The following NEGR1 variants were observed in gnomAD, a reference collection of about 807,000 sequenced individuals.
The protein encoded by NEGR1 is IgLON family member 4.
A neutral mutation model predicts 40.9 loss-of-function variants in NEGR1; 10 were observed. The ratio of observed to expected loss-of-function variants is 0.24; its 90% CI spans 0.15 to 0.42. The LOEUF (loss-of-function observed/expected upper bound fraction) is 0.42, where lower values mean the gene tolerates loss of function less well. Among genes scored for constraint, NEGR1 ranks in the 10% least tolerant of loss-of-function variants. The pLI is 1.00. For synonymous variants in NEGR1, 185 were observed against 166.8 expected (o/e 1.11, Z -0.84); for missense variants, 352 against 438.9 (o/e 0.80, Z 1.77).
chr1:72,057,753 T>C (rs1647125329), intron 1 of NEGR1, among the ~76,000 whole-genome samples: 1 of 151,502 alleles, frequency 6.6e-6, no homozygotes, highest in Non-Finnish European at 1.5e-5. Flanking sequence ...CCAGCATGGT[T>C]GGTGTCTGGT....
At chr1:71,633,876 G>A (rs145432223) in intron 4 of NEGR1, among the ~76,000 whole-genome samples, 28 of 152,162 alleles carry the variant, frequency 1.8e-4, no homozygotes, top group Admixed American at 4.6e-4. Flanking sequence ...CAAGGCTGTT[G>A]TTTCCAGTTG....
At chr1:71,639,653 T>C (rs1435194502) in intron 4 of NEGR1, among the ~76,000 whole-genome samples, 1 of 151,994 alleles carries the variant, frequency 6.6e-6, no homozygotes, top group Non-Finnish European at 1.5e-5. Flanking sequence ...AGGGGGGAAA[T>C]TAGAGTCACC....
chr1:71,765,808 TA>T (rs1347739753), intron 3 of NEGR1, among the ~76,000 whole-genome samples: 1 of 152,176 alleles, frequency 6.6e-6, no homozygotes, highest in Admixed American at 6.5e-5. Context: ...ATCACTTGTT[TA>T]AAGTCTCCTT....
intron 4 of NEGR1, among the ~76,000 whole-genome samples, chr1:71,647,385 G>A (rs142035674): frequency 6.6e-6 from 1 of 151,972 alleles, no homozygotes; most frequent in African/African-American, 2.4e-5. Context: ...CACAGGATTT[G>A]CATTGGTCTC....
intron 1 of NEGR1, among the ~76,000 whole-genome samples, chr1:72,262,278 T>C (rs951965027): frequency 6.6e-6 from 1 of 151,846 alleles, no homozygotes; most frequent in African/African-American, 2.4e-5. Flanking sequence ...ATAAAGGGAG[T>C]GCATTGGGAG....
chr1:71,751,084 G>T (rs954408272), intron 3 of NEGR1, among the ~76,000 whole-genome samples: 21 of 145,140 alleles, frequency 1.4e-4, no homozygotes, highest in African/African-American at 5.3e-4. Flanking sequence ...TCTTTGTTTT[G>T]TTTTTTTTTT....
At chr1:71,732,388 T>C (rs1372660238) in intron 3 of NEGR1, among the ~76,000 whole-genome samples, 1 of 152,078 alleles carries the variant, frequency 6.6e-6, no homozygotes, top group Non-Finnish European at 1.5e-5. Flanking sequence ...ATTGAAGATA[T>C]CTTGATTTTC....
At chr1:71,866,109 C>G (rs189705044) in intron 2 of NEGR1, among the ~76,000 whole-genome samples, 1 of 151,946 alleles carries the variant, frequency 6.6e-6, no homozygotes, top group African/African-American at 2.4e-5. Flanking sequence ...ACAAAAGACA[C>G]CTTTCCCTTT....
intron 1 of NEGR1, among the ~76,000 whole-genome samples, chr1:72,181,723 C>A (rs1432274932): frequency 1.3e-5 from 2 of 152,088 alleles, no homozygotes; most frequent in Non-Finnish European, 1.5e-5. Context: ...AGAAAGAGAT[C>A]TTGCCATTTG....
At chr1:71,853,329 G>A (rs1486080989) in intron 2 of NEGR1, among the ~76,000 whole-genome samples, 2 of 152,024 alleles carry the variant, frequency 1.3e-5, no homozygotes, top group African/African-American at 4.8e-5. Flanking sequence ...TAAATTTTCA[G>A]ATACAACTGT....
intron 1 of NEGR1, among the ~76,000 whole-genome samples, chr1:72,146,567 GT>G (rs142125288): frequency 1.3e-5 from 2 of 151,264 alleles, no homozygotes; most frequent in Admixed American, 6.6e-5. Flanking sequence ...TCATGCACAA[GT>G]TTTTTTTTAA....
chr1:72,082,568 C>A (rs1382725974), intron 1 of NEGR1, among the ~76,000 whole-genome samples: 2 of 152,126 alleles, frequency 1.3e-5, no homozygotes, highest in East Asian at 3.9e-4. Flanking sequence ...AATCTTCAAT[C>A]TTTTATCCTG....
chr1:71,987,690 A>G (rs1315501522), intron 1 of NEGR1, among the ~76,000 whole-genome samples: 3 of 151,756 alleles, frequency 2.0e-5, no homozygotes, highest in African/African-American at 7.3e-5. Flanking sequence ...GGAAATAAAC[A>G]CCCCCATTTG....
At chr1:72,212,609 A>T (rs1484535366) in intron 1 of NEGR1, among the ~76,000 whole-genome samples, 2 of 152,042 alleles carry the variant, frequency 1.3e-5, no homozygotes, top group East Asian at 3.9e-4. Context: ...AATTGTTCAT[A>T]AACTATTCTG....
intron 6 of NEGR1, among the ~76,000 whole-genome samples, chr1:71,584,646 A>G (rs1389618696): frequency 6.6e-6 from 1 of 152,116 alleles, no homozygotes; most frequent in Admixed American, 6.6e-5. Flanking sequence ...CTTTAGATGG[A>G]GTCAAAATTA....
At chr1:71,443,493 C>G (rs898386110) in intron 6 of NEGR1, among the ~76,000 whole-genome samples, 1 of 152,132 alleles carries the variant, frequency 6.6e-6, no homozygotes, top group Admixed American at 6.5e-5. Flanking sequence ...GGGGCAGAGA[C>G]AGTTTCTTAT....
At chr1:71,570,472 T>C (rs909474687) in intron 6 of NEGR1, among the ~76,000 whole-genome samples, 1 of 152,216 alleles carries the variant, frequency 6.6e-6, no homozygotes, top group Non-Finnish European at 1.5e-5. Flanking sequence ...AAGTGACATA[T>C]GGCTACTGCC....
chr1:71,560,670 T>C (rs1304437566), intron 6 of NEGR1, among the ~76,000 whole-genome samples: 1 of 151,036 alleles, frequency 6.6e-6, no homozygotes, highest in Non-Finnish European at 1.5e-5. Flanking sequence ...AAAAAACATT[T>C]TGTGTCTCAT....
At chr1:72,070,008 G>GT (rs1457170279) in intron 1 of NEGR1, among the ~76,000 whole-genome samples, 1 of 152,018 alleles carries the variant, frequency 6.6e-6, no homozygotes, top group Non-Finnish European at 1.5e-5. Flanking sequence ...TCTTAGTGAT[G>GT]TGATGATTTA....
Sources: allele counts gnomAD v4.1 joint callset (sites outside exome capture counted in the v4.1 genomes callset), GRCh38; gene constraint gnomAD v4.1.1; transcripts MANE v1.5; gene names NCBI Gene and HGNC (gene_info 2026-07-23, HGNC 2026-07-21).